TMPRSS4: variants seen among roughly 807,000 people sequenced by gnomAD.
The protein encoded by TMPRSS4 is transmembrane protease serine 4.
In TMPRSS4, 45 loss-of-function variants were observed where a neutral mutation model predicts 56.4. The ratio of observed to expected loss-of-function variants is 0.80; its 90% CI spans 0.63 to 1.02. The LOEUF (loss-of-function observed/expected upper bound fraction) is 1.02, where lower values mean the gene tolerates loss of function less well. Ranked by LOEUF, TMPRSS4 falls within the 50% of genes least tolerant of loss-of-function variation. The pLI, the probability that TMPRSS4 is intolerant of heterozygous loss-of-function variation, is 0.00. For synonymous variants in TMPRSS4, 205 were observed against 211.0 expected (o/e 0.97, Z 0.25); for missense variants, 546 against 556.7 (o/e 0.98, Z 0.19).
intron 2 of TMPRSS4, among the ~76,000 whole-genome samples, chr11:118,096,819 GAA>G (rs1946317208): frequency 7.7e-5 from 1 of 13,060 alleles, no homozygotes; most frequent in African/African-American, 2.6e-4. Context: ...AAAAAAGAAA[GAA>G]AGAGAGAAAG....
chr11:118,085,932 TG>T (rs898293040), intron 1 of TMPRSS4, among the ~76,000 whole-genome samples: 5 of 152,172 alleles, frequency 3.3e-5, no homozygotes, highest in African/African-American at 1.2e-4. Flanking sequence ...TTCAGAAAGG[TG>T]GGAGAGAATG....
At chr11:118,086,199 A>G (rs1246131625) in intron 1 of TMPRSS4, among the ~76,000 whole-genome samples, 2 of 152,236 alleles carry the variant, frequency 1.3e-5, no homozygotes, top group African/African-American at 2.4e-5. Context: ...CCCCAGCCCT[A>G]TCTGAACCTA....
Position 118,108,889 on chromosome 11 carries a change from C to G in TMPRSS4, c.576C>G (p.His192Gln). ...PCLSGSLVSL[H>Q]CLACGKSLKT... Reference sequence around the variant, plus strand: ...TCTCAGGCTCCCTGGTCTCCCTGCACTGTCTTGGTGAGTACCCCCAATCTC... The same window carrying G: ...TCTCAGGCTCCCTGGTCTCCCTGCAGTGTCTTGGTGAGTACCCCCAATCTC... Residue 192 changes from histidine (H) to glutamine (Q), a missense_variant, in exon 7 of 13, where the codon CAC (histidine) becomes CAG (glutamine). His to Gln is a conservative substitution (Grantham distance 24, BLOSUM62 0). Transcript: ENST00000437212. 6.2e-7 allele frequency: 1 copy of G among 1,614,116 alleles called. No individual in the cohort carries two copies. Among genetic ancestry groups the G allele is most frequent in the Non-Finnish European group, 8.5e-7 (1 of 1,180,002 alleles).
At chr11:118,081,326 G>A (rs1565406729) in intron 1 of TMPRSS4, among the ~76,000 whole-genome samples, 1 of 152,222 alleles carries the variant, frequency 6.6e-6, no homozygotes, top group Non-Finnish European at 1.5e-5. Context: ...CCTGGTGATA[G>A]GGAAGGGGAA....
At chr11:118,111,574 G>T (rs10892218) in intron 7 of TMPRSS4, among the ~76,000 whole-genome samples, 167 bp from the exon 8 acceptor site, 15,774 of 152,140 alleles carry the variant, frequency 0.1, 1,359 homozygotes, top group East Asian at 0.35. Flanking sequence ...CTATGGTCTG[G>T]GACACTCAAT....
chr11:118,110,637 T>C (rs934237522), intron 7 of TMPRSS4, among the ~76,000 whole-genome samples: 53 of 152,308 alleles, frequency 3.5e-4, no homozygotes, highest in South Asian at 2.1e-4. Context: ...CCTCCCAAAG[T>C]GCTGGGATTA....
At chr11:118,115,969 A>G (rs550440555) in intron 11 of TMPRSS4, among the ~76,000 whole-genome samples, 1 of 152,352 alleles carries the variant, frequency 6.6e-6, no homozygotes, top group African/African-American at 2.4e-5. Context: ...ACACTAGGAA[A>G]GAATTACCGC....
chr11:118,124,956 G>T (rs1947860229), downstream of TMPRSS4, among the ~76,000 whole-genome samples: 1 of 152,188 alleles, frequency 6.6e-6, no homozygotes, highest in Admixed American at 6.5e-5. Flanking sequence ...CTTTGAATGG[G>T]CCCAGCTCTG....
At chr11:118,084,064 G>A (rs530990285) in intron 1 of TMPRSS4, among the ~76,000 whole-genome samples, 16 of 152,170 alleles carry the variant, frequency 1.1e-4, no homozygotes, top group Admixed American at 3.9e-4. Flanking sequence ...AACAATTATC[G>A]TACTCTTACC....
rs770497693 is a variant in TMPRSS4 at position 118,117,944 on chromosome 11, G to A, written c.*31G>A. On this transcript the variant is annotated 3_prime_UTR_variant, in exon 13 of 13. Transcript: ENST00000437212. ...CTGCCCCTTTGCAGTGCTGGGAGCC[G>A]CTTCCTTCCTGCCCTGCCCACCTGG... The A allele has an allele frequency of 4.9e-5, 79 of 1,612,268 alleles. No homozygotes were observed. Among genetic ancestry groups the A allele is most frequent in the Non-Finnish European group, 5.6e-5 (66 of 1,180,032 alleles).
rs1947234560 is a variant in TMPRSS4 at position 118,110,743 on chromosome 11, A to G, written c.584-998A>G. Among the ~76,000 whole-genome samples, 3 of 152,154 alleles carry G rather than the reference A, an allele frequency of 2.0e-5. No individual in the cohort carries two copies. In the South Asian group the frequency reaches 6.2e-4, roughly 31 times the overall value. ...GTTCACAATAAGGTTGTGCTCCTAC[A>G]AGAATCTAACGCCACCTCTGATCTG... On this transcript the variant is annotated intron_variant, in intron 7 of 12. Transcript: ENST00000437212.
At position 118,099,499 on chromosome 11, in the gene TMPRSS4, A is replaced by AAGAAAGAAAGAC. The variant is rs1555085874; in HGVS notation, c.157+404_157+405insAAGAAAGACAGA. On this transcript the variant is annotated intron_variant, in intron 3 of 12. Transcript: ENST00000437212. ...AGAAAGAAAAAGAAAGAAAGAAAGA[A>AAGAAAGAAAGAC]AGACATGTATCCACCCCCTGCTTTG... 4.8e-3 allele frequency among the ~76,000 whole-genome samples: 722 copies of AAGAAAGAAAGAC among 151,742 alleles called. 6 individuals carry two copies. The highest frequency in any genetic ancestry group is 9.2e-3 in the African/African-American group (380 of 41,324).
chr11:118,093,224 A>G (rs7114565), intron 1 of TMPRSS4, among the ~76,000 whole-genome samples: 95,324 of 151,848 alleles, frequency 0.63, 30,261 homozygotes, highest in African/African-American at 0.73. Context: ...CCGTGGAGCA[A>G]GCAACACCCA....
At position 118,120,746 on chromosome 11, in the gene TMPRSS4, G is replaced by A. The variant is rs1274116907; in HGVS notation, c.*2833G>A. On this transcript the variant is annotated 3_prime_UTR_variant, in exon 13 of 13. Coordinates refer to ENST00000437212, the MANE Select transcript of TMPRSS4 (RefSeq NM_019894.4). ...GCCAGGAGCAATGAAGCCTAGAATG[G>A]TAAATTCTAACATATCCAGAATCCC... The A allele has an allele frequency of 6.6e-6, 1 of 152,078 alleles. No homozygotes were observed. The highest frequency in any genetic ancestry group is 2.4e-5 in the African/African-American group (1 of 41,414). 9.4% of individuals were successfully genotyped at this position (152,078 alleles called of 1,614,324 possible). A position where few individuals can be genotyped will look rare whatever the true frequency, so the allele number is the denominator to read the frequency against.
rs779718958 is a variant in TMPRSS4 at position 118,118,537 on chromosome 11, C to T, written c.*624C>T. 18 of 985,496 alleles carry T rather than the reference C, an allele frequency of 1.8e-5. No homozygotes were observed. Among genetic ancestry groups the T allele is most frequent in the Non-Finnish European group, 2.2e-5 (18 of 830,040 alleles). 61.0% of individuals were successfully genotyped at this position (985,496 alleles called of 1,614,324 possible). A position where few individuals can be genotyped will look rare whatever the true frequency, so the allele number is the denominator to read the frequency against. On this transcript the variant is annotated 3_prime_UTR_variant, in exon 13 of 13. Coordinates refer to ENST00000437212, the MANE Select transcript of TMPRSS4 (RefSeq NM_019894.4). Reference sequence around the variant, plus strand: ...CTTTGGCTTGGGGAGAAAAGAAGTCCTGGGGAAGCAATTGAGTCTCAAAGT... The same window carrying T: ...CTTTGGCTTGGGGAGAAAAGAAGTCTTGGGGAAGCAATTGAGTCTCAAAGT...
Position 118,104,698 on chromosome 11 carries a change from C to G in TMPRSS4, c.318C>G (p.Leu106=). The change falls in exon 5 of 13, where the codon CTC becomes CTG. Residue 106 remains leucine, a synonymous_variant. Transcript: ENST00000437212. ...FPEGPAVAVR[L]SKDRSTLQVL... ...AGGTTCCTTTCCTCCCAGTCCGCCT[C>G]TCCAAGGACCGATCCACACTGCAGG... 6.2e-7 allele frequency: 1 copy of G among 1,613,698 alleles called. No individual in the cohort carries two copies. Among genetic ancestry groups the G allele is most frequent in the Non-Finnish European group, 8.5e-7 (1 of 1,179,918 alleles).
chr11:118,120,257 A>G lies in TMPRSS4; in HGVS notation c.*2344A>G, dbSNP rs1392038202. Reference sequence around the variant, plus strand: ...TACTTCTATCTTTTGGCTATTGTGAATTATGCTGCTGTGAACATGGGTGTA... The same window carrying G: ...TACTTCTATCTTTTGGCTATTGTGAGTTATGCTGCTGTGAACATGGGTGTA... On this transcript the variant is annotated 3_prime_UTR_variant, in exon 13 of 13. Coordinates refer to ENST00000437212, the MANE Select transcript of TMPRSS4 (RefSeq NM_019894.4). 1.3e-5 allele frequency: 2 copies of G among 152,190 alleles called. No individual in the cohort carries two copies. Among genetic ancestry groups the G allele is most frequent in the East Asian group, 3.8e-4 (2 of 5,204 alleles). 9.4% of individuals were successfully genotyped at this position (152,190 alleles called of 1,614,324 possible).
intron 1 of TMPRSS4, among the ~76,000 whole-genome samples, chr11:118,092,043 A>T (rs542601629): frequency 6.6e-6 from 1 of 152,222 alleles, no homozygotes; most frequent in Non-Finnish European, 1.5e-5. Flanking sequence ...AATGAGAAAG[A>T]GTGGCTAATT....
intron 1 of TMPRSS4, among the ~76,000 whole-genome samples, chr11:118,090,777 C>T (rs1239833014): frequency 6.8e-6 from 1 of 147,678 alleles, no homozygotes; most frequent in Non-Finnish European, 1.5e-5. Flanking sequence ...GACTCTGTCT[C>T]TCTCTCTTTC....
Sources: allele counts gnomAD v4.1 joint callset (sites outside exome capture counted in the v4.1 genomes callset), GRCh38; gene constraint gnomAD v4.1.1; transcripts MANE v1.5; gene names NCBI Gene and HGNC (gene_info 2026-07-23, HGNC 2026-07-21).